Variants in DBT observed in about 807,000 individuals in gnomAD.
The protein encoded by DBT is dihydrolipoamide branched chain transacylase E2.
A neutral mutation model predicts 51.3 loss-of-function variants in DBT; 40 were observed. That is an observed-to-expected ratio of 0.78 (90% CI 0.61 to 1.02). The LOEUF is 1.02. Ranked by LOEUF, DBT falls within the 50% of genes least tolerant of loss-of-function variation. DBT has a pLI of 0.00. For missense variants in DBT, 510 were observed against 580.2 expected (o/e 0.88, Z 1.24); for synonymous variants, 181 against 190.4 (o/e 0.95, Z 0.41).
intron 1 of DBT, chr1:100,249,446 A>G: frequency 2.1e-6 from 1 of 478,176 alleles, no homozygotes; most frequent in South Asian, 2.1e-5. Flanking sequence ...CTAAACGAAT[A>G]TATCTCTGGA....
At chr1:100,233,583 C>A (rs1663674471) in intron 3 of DBT, among the ~76,000 whole-genome samples, 1 of 152,198 alleles carries the variant, frequency 6.6e-6, no homozygotes, top group Admixed American at 6.6e-5. Flanking sequence ...AAAGAAATAG[C>A]AGTTGAACAT....
At position 100,189,821 on chromosome 1, in the gene DBT, A is replaced by G. The variant is rs1660730588; in HGVS notation, c.*6434T>C. 1 of 152,232 alleles carries G rather than the reference A, an allele frequency of 6.6e-6. No individual in the cohort carries two copies. The highest frequency in any genetic ancestry group is 1.5e-5 in the Non-Finnish European group (1 of 68,048). The allele number at this position is 152,232 out of a possible 1,614,324, so 9.4% of individuals were successfully genotyped here. ...TTGTTTTAGGGACTATTTAAAAAAT[A>G]AGAACATTTGTGTCTTATTAGTTAA... On this transcript the variant is annotated 3_prime_UTR_variant, in exon 11 of 11. Coordinates refer to ENST00000370132, the MANE Select transcript of DBT (RefSeq NM_001918.5).
At chr1:100,196,724 G>C (rs570467925) in intron 10 of DBT, 1 of 366,594 alleles carries the variant, frequency 2.7e-6, no homozygotes, top group East Asian at 5.5e-5. Context: ...ATTATTTACT[G>C]TATACCCACT....
chr1:100,224,506 A>C (rs1295933958), intron 4 of DBT, among the ~76,000 whole-genome samples: 1 of 152,222 alleles, frequency 6.6e-6, no homozygotes, highest in East Asian at 1.9e-4. Flanking sequence ...ATAAAAGCAA[A>C]AAGGTACAGA....
At chr1:100,237,000 T>C (rs1663904562) in intron 2 of DBT, among the ~76,000 whole-genome samples, 1 of 152,250 alleles carries the variant, frequency 6.6e-6, no homozygotes, top group South Asian at 2.1e-4. Context: ...TCATAAATTC[T>C]TTGCAGCTGT....
chr1:100,208,341 C>T (rs954636966), intron 8 of DBT, among the ~76,000 whole-genome samples: 3 of 152,064 alleles, frequency 2.0e-5, no homozygotes, highest in Non-Finnish European at 2.9e-5. Flanking sequence ...AATCCAAAAA[C>T]GCTTCTGGTC....
chr1:100,203,814 C>A (rs926187834), intron 10 of DBT, among the ~76,000 whole-genome samples: 2 of 152,270 alleles, frequency 1.3e-5, no homozygotes, highest in Non-Finnish European at 2.9e-5. Flanking sequence ...AATCAATAAA[C>A]ATAATCCATC....
chr1:100,214,128 G>T (rs1662344374), intron 7 of DBT, among the ~76,000 whole-genome samples: 1 of 152,078 alleles, frequency 6.6e-6, no homozygotes, highest in African/African-American at 2.4e-5. Context: ...ATGATTCCCA[G>T]GATCCTCAAT....
intron 10 of DBT, 103 bp downstream of exon 10, chr1:100,206,127 A>G: frequency 1.2e-6 from 1 of 819,792 alleles, no homozygotes; most frequent in South Asian, 1.5e-5. Flanking sequence ...TCAGAAACTT[A>G]AAACCTACAA....
At chr1:100,210,232 G>A (rs1421139698) in intron 8 of DBT, among the ~76,000 whole-genome samples, 5 of 151,322 alleles carry the variant, frequency 3.3e-5, no homozygotes, top group Non-Finnish European at 7.4e-5. Flanking sequence ...GATTGCTTGG[G>A]CCTGAGAGGT....
Position 100,192,388 on chromosome 1 carries a change from A to ATAAG in DBT, c.*3863_*3866dup, listed in dbSNP as rs1390387391. The ATAAG allele has an allele frequency of 1.4e-4, 21 of 152,354 alleles. No homozygotes were observed. The highest frequency in any genetic ancestry group is 4.8e-4 in the African/African-American group (20 of 41,584). The allele number at this position is 152,354 out of a possible 1,614,324, so 9.4% of individuals were successfully genotyped here. ...CTGGAACTGAATATACAGTTAATAA[A>ATAAG]TAAGTGCAGAATGAACTAACTAATC... On this transcript the variant is annotated 3_prime_UTR_variant, in exon 11 of 11. Coordinates refer to ENST00000370132, the MANE Select transcript of DBT (RefSeq NM_001918.5).
In DBT at chr1:100,191,673, C is replaced by T. The variant is rs184832105; in HGVS notation, c.*4582G>A. 6.6e-6 allele frequency: 1 copy of T among 152,278 alleles called. No individual in the cohort carries two copies. Among genetic ancestry groups the T allele is most frequent in the African/African-American group, 2.4e-5 (1 of 41,524 alleles). 9.4% of individuals were successfully genotyped at this position (152,278 alleles called of 1,614,324 possible). ...GTGGACAGAGTATTCTATTCTCCTG[C>T]CCACACTGATGGGCACATGAACCAA... On this transcript the variant is annotated 3_prime_UTR_variant, in exon 11 of 11. Transcript: ENST00000370132.
At chr1:100,239,851 CAAAAAAAAAAAAAAAAAAAA>C (rs56661922) in intron 2 of DBT, among the ~76,000 whole-genome samples, 8 of 111,190 alleles carry the variant, frequency 7.2e-5, no homozygotes, top group Non-Finnish European at 5.4e-5. Context: ...CAACAGAGCT[CAAAAAAAAAAAAAAAAAAAA>C]AAAAAAAAAA....
chr1:100,230,188 G>A lies in DBT; in HGVS notation c.433+545C>T, dbSNP rs527417447. On this transcript the variant is annotated intron_variant, in intron 4 of 10. Transcript: ENST00000370132. ...TTGCCTCTTTGAACACTAACATCTC[G>A]AGAAGGCAGGACTTCAGGTAAATGA... Among the ~76,000 whole-genome samples, 3 of 152,166 alleles carry A rather than the reference G, an allele frequency of 2.0e-5. No individual in the cohort carries two copies. In the South Asian group the frequency reaches 6.2e-4, roughly 32 times the overall value.
chr1:100,242,911 C>A (rs200700486), intron 1 of DBT, among the ~76,000 whole-genome samples: 2 of 143,302 alleles, frequency 1.4e-5, no homozygotes, highest in East Asian at 4.5e-4. Flanking sequence ...ATTCATGGGT[C>A]GGGGCAGCAT....
intron 1 of DBT, among the ~76,000 whole-genome samples, chr1:100,242,368 C>T (rs747676499): frequency 1.3e-5 from 2 of 151,992 alleles, no homozygotes; most frequent in African/African-American, 2.4e-5. Flanking sequence ...GTTTGGTTTA[C>T]TGACAAGAAC....
intron 2 of DBT, among the ~76,000 whole-genome samples, chr1:100,235,845 A>G (rs891259124): frequency 2.0e-5 from 3 of 152,222 alleles, no homozygotes; most frequent in Non-Finnish European, 2.9e-5. Context: ...TAGAACAAAG[A>G]TATACAAAGA....
At position 100,239,168 on chromosome 1, in the gene DBT, T is replaced by C. The variant is rs190585627; in HGVS notation, c.175+1593A>G. 5.9e-5 allele frequency among the ~76,000 whole-genome samples: 9 copies of C among 152,356 alleles called. No homozygotes were observed. The East Asian group carries it at 1.7e-3, about 29-fold the overall frequency. On this transcript the variant is annotated intron_variant, in intron 2 of 10. Coordinates refer to ENST00000370132, the MANE Select transcript of DBT (RefSeq NM_001918.5). The stretch of plus-strand genomic sequence containing the variant: ...CAATAAATATTAATTGTTGAATGAA[T>C]GAATTCTCACAAGAATACAATTAGC...
chr1:100,249,127 A>T, intron 1 of DBT: 1 of 985,610 alleles, frequency 1.0e-6, no homozygotes, highest in Non-Finnish European at 1.2e-6. Flanking sequence ...AACACTAAGC[A>T]AATAGGGGTA....
Sources: gnomAD v4.1 joint callset for allele counts (sites outside exome capture counted in the v4.1 genomes callset) on GRCh38, gnomAD v4.1.1 for gene constraint, MANE v1.5 for transcripts, NCBI Gene and HGNC (gene_info 2026-07-23, HGNC 2026-07-21) for gene names.